Variants in ELOVL2 observed in about 807,000 individuals in gnomAD.
ELOVL2 encodes very long chain fatty acid elongase 2.
ELOVL2 carries 38 observed loss-of-function variants against 37.7 expected under a neutral mutation model. The ratio of observed to expected loss-of-function variants is 1.01; its 90% CI spans 0.78 to 1.32. The LOEUF (loss-of-function observed/expected upper bound fraction) is 1.32. Among genes scored for constraint, ELOVL2 ranks in the 40% most tolerant of loss-of-function variants. The pLI, the probability that ELOVL2 is intolerant of heterozygous loss-of-function variation, is 0.00. For missense variants in ELOVL2, 352 were observed against 363.6 expected, an observed-to-expected ratio of 0.97 and a Z score of 0.26; for synonymous variants, 115 against 122.3, an observed-to-expected ratio of 0.94 and a Z score of 0.40.
intron 1 of ELOVL2, among the ~76,000 whole-genome samples, chr6:11,023,688 G>C (rs1034427479): frequency 6.6e-6 from 1 of 152,136 alleles, no homozygotes; most frequent in South Asian, 2.1e-4. Flanking sequence ...TCTTCAGCAC[G>C]CGCTGTTTTG....
chr6:11,029,223 CAAAAAAAA>C lies in ELOVL2; in HGVS notation c.3+14997_3+15004del, dbSNP rs376639413. ...AGCCCGGGGCGACAGAGGGAGATCT[CAAAAAAAA>C]AAAAAAAAAAAAAAAAAGGTAGGCT... is the stretch of plus-strand genomic sequence containing the variant. On this transcript the variant is annotated intron_variant, in intron 1 of 7. Transcript: ENST00000354666. 1.2e-3 allele frequency among the ~76,000 whole-genome samples: 91 copies of C among 75,788 alleles called. 2 individuals carry two copies. The highest frequency in any genetic ancestry group is 1.9e-3 in the South Asian group (5 of 2,574). The allele number at this position is 75,788 out of a possible 152,430, so 49.7% of individuals were successfully genotyped here. A position where few individuals can be genotyped will look rare whatever the true frequency, so the allele number is the denominator to read the frequency against.
intron 1 of ELOVL2, among the ~76,000 whole-genome samples, chr6:11,013,416 C>A (rs575023019): frequency 4.6e-5 from 7 of 152,188 alleles, no homozygotes; most frequent in South Asian, 4.2e-4. Flanking sequence ...ACCACAAAGT[C>A]CTAGCTGCAC....
At chr6:11,003,301 C>T (rs1202219002) in intron 3 of ELOVL2, among the ~76,000 whole-genome samples, 1 of 152,134 alleles carries the variant, frequency 6.6e-6, no homozygotes, top group African/African-American at 2.4e-5. Context: ...CTCTCCCTAC[C>T]CTTGCTCCCC....
At chr6:11,010,698 G>C in intron 2 of ELOVL2, 48 bp downstream of exon 2, 1 of 1,406,894 alleles carries the variant, frequency 7.1e-7, no homozygotes, top group Middle Eastern at 1.8e-4. Context: ...ACTAAATGGT[G>C]TTCTTCCTGT....
intron 1 of ELOVL2, among the ~76,000 whole-genome samples, chr6:11,041,652 T>C (rs1391689688): frequency 1.3e-5 from 2 of 152,216 alleles, no homozygotes; most frequent in African/African-American, 4.8e-5. Flanking sequence ...ACCTTTAATT[T>C]CTACTACCTA....
At chr6:11,042,433 G>C (rs567712109) in intron 1 of ELOVL2, among the ~76,000 whole-genome samples, 1 of 152,154 alleles carries the variant, frequency 6.6e-6, no homozygotes, top group Non-Finnish European at 1.5e-5. Flanking sequence ...ACTTGGGCAG[G>C]ATAAAGCTTT....
At position 10,990,323 on chromosome 6, in the gene ELOVL2, G is replaced by C. The variant is rs1333261234; in HGVS notation, c.625C>G (p.Gln209Glu). 1.2e-6 allele frequency: 2 copies of C among 1,611,484 alleles called. No individual in the cohort carries two copies. Among genetic ancestry groups the C allele is most frequent in the Non-Finnish European group, 1.7e-6 (2 of 1,179,304 alleles). The change falls in exon 6 of 8, where the codon CAG becomes GAG. Residue 209 changes from glutamine (Q) to glutamate (E), a missense_variant. Transcript: ENST00000354666. Reference sequence around the variant, plus strand: ...TAAAAGAAGGGACAACATACCAGCTGAGCCTGTGTGAGATATTTCTTCCAC... The same window carrying C: ...TAAAAGAAGGGACAACATACCAGCTCAGCCTGTGTGAGATATTTCTTCCAC... ...LWWKKYLTQAQLVQFVLTITH... is the reference protein window; with the variant it reads ...LWWKKYLTQAELVQFVLTITH...
At chr6:11,039,836 A>G (rs1016057926) in intron 1 of ELOVL2, among the ~76,000 whole-genome samples, 1 of 152,250 alleles carries the variant, frequency 6.6e-6, no homozygotes, top group Admixed American at 6.5e-5. Context: ...GACAAAGGAA[A>G]GGTATTAAGG....
chr6:11,033,435 T>C (rs1407807973), intron 1 of ELOVL2, among the ~76,000 whole-genome samples: 1 of 152,088 alleles, frequency 6.6e-6, no homozygotes, highest in Non-Finnish European at 1.5e-5. Flanking sequence ...AAGGGTAAAT[T>C]TTTAGGGGTT....
intron 1 of ELOVL2, among the ~76,000 whole-genome samples, chr6:11,014,441 T>C (rs1298264085): frequency 1.3e-5 from 2 of 149,320 alleles, no homozygotes; most frequent in African/African-American, 5.0e-5. Context: ...ATCGCACCAC[T>C]GCACTCCAGC....
chr6:10,991,257 T>G (rs1191363249), intron 5 of ELOVL2, among the ~76,000 whole-genome samples: 1 of 152,206 alleles, frequency 6.6e-6, no homozygotes, highest in African/African-American at 2.4e-5. Flanking sequence ...AACTCAGTGT[T>G]GTGAGGATTT....
intron 1 of ELOVL2, among the ~76,000 whole-genome samples, chr6:11,016,288 T>A (rs912365960): frequency 7.0e-6 from 1 of 142,252 alleles, no homozygotes; most frequent in Non-Finnish European, 1.5e-5. Flanking sequence ...TTGCCCTGTT[T>A]TGTTGATAGT....
intron 3 of ELOVL2, among the ~76,000 whole-genome samples, chr6:11,002,676 C>A (rs1782410271): frequency 6.6e-6 from 1 of 152,190 alleles, no homozygotes. Context: ...AGACATTTAC[C>A]TCGTTGTTCA....
At chr6:11,016,582 G>A (rs1490480983) in intron 1 of ELOVL2, among the ~76,000 whole-genome samples, 1 of 152,132 alleles carries the variant, frequency 6.6e-6, no homozygotes, top group African/African-American at 2.4e-5. Context: ...GGAACCTCAA[G>A]GTCAAGGCTG....
At position 11,005,377 on chromosome 6, in the gene ELOVL2, C is replaced by A. The variant is rs767395367; in HGVS notation, c.250G>T (p.Ala84Ser). 6.2e-7 allele frequency: 1 copy of A among 1,611,748 alleles called. No individual in the cohort carries two copies. Among genetic ancestry groups the A allele is most frequent in the Non-Finnish European group, 8.5e-7 (1 of 1,179,072 alleles). ...GITLLSAYML[A>S]ELILSTWEGG... Reference sequence around the variant, plus strand: ...TTGGCTACATAAACACTTACCTCTGCCAGCATGTACGCGGAGAGAAGTGTG... The same window carrying A: ...TTGGCTACATAAACACTTACCTCTGACAGCATGTACGCGGAGAGAAGTGTG... Residue 84 changes from alanine (A) to serine (S), a missense_variant, in exon 3 of 8, where the codon GCA (alanine) becomes TCA (serine). By Grantham distance (99) the Ala-to-Ser change is moderately conservative. Coordinates refer to ENST00000354666, the MANE Select transcript of ELOVL2 (RefSeq NM_017770.4).
rs1332103944 is a variant in ELOVL2, at chr6:10,983,063, G to T, written c.*718C>A. 1 of 152,092 alleles carries T rather than the reference G, an allele frequency of 6.6e-6. No homozygotes were observed. The highest frequency in any genetic ancestry group is 2.4e-5 in the African/African-American group (1 of 41,396). 9.4% of individuals were successfully genotyped at this position (152,092 alleles called of 1,614,324 possible). On this transcript the variant is annotated 3_prime_UTR_variant, in exon 8 of 8. Coordinates refer to ENST00000354666, the MANE Select transcript of ELOVL2 (RefSeq NM_017770.4). ...GAGACATGAACAGATGAATGATTAG[G>T]GAAACAGAGGAACAATCCTATCCAC...
Position 10,995,032 on chromosome 6 carries a change from GAC to G in ELOVL2, c.478_479del (p.Val160LeufsTer161), listed in dbSNP as rs1782238998. ...TTTGTCCACAAGGTATCCAGTTCAA[GAC>G]ACACCACCAGATGTTAAACATAGAA... is the stretch of plus-strand genomic sequence containing the variant. ...HASMFNIWWC[V>X]LNWIPCGQSF... On this transcript the variant is annotated frameshift_variant, in exon 5 of 8. Transcript: ENST00000354666. LOFTEE classifies it high-confidence loss of function. 1.2e-6 allele frequency: 2 copies of G among 1,610,112 alleles called. No individual in the cohort carries two copies. The highest frequency in any genetic ancestry group is 1.7e-6 in the Non-Finnish European group (2 of 1,178,576).
At chr6:11,025,154 T>C (rs1480554245) in intron 1 of ELOVL2, among the ~76,000 whole-genome samples, 3 of 152,186 alleles carry the variant, frequency 2.0e-5, no homozygotes, top group African/African-American at 7.2e-5. Flanking sequence ...AGAAAAATCA[T>C]ATTTCCTCAG....
At chr6:10,997,997 C>T (rs555788335) in intron 4 of ELOVL2, among the ~76,000 whole-genome samples, 1 of 152,098 alleles carries the variant, frequency 6.6e-6, no homozygotes, top group Non-Finnish European at 1.5e-5. Flanking sequence ...GTTTGGGTCA[C>T]GGTGGCAGAT....
Sources: gnomAD v4.1 joint callset for allele counts (sites outside exome capture counted in the v4.1 genomes callset) on GRCh38, gnomAD v4.1.1 for gene constraint, MANE v1.5 for transcripts, NCBI Gene and HGNC (gene_info 2026-07-23, HGNC 2026-07-21) for gene names.